UNC79: variants seen among roughly 807,000 people sequenced by gnomAD.
UNC79 encodes the protein protein unc-79 homolog.
A neutral mutation model predicts 283.1 loss-of-function variants in UNC79; 37 were observed. The ratio of observed to expected loss-of-function variants is 0.13; its 90% confidence interval spans 0.10 to 0.17. The LOEUF (loss-of-function observed/expected upper bound fraction) is 0.17. UNC79 is among the 10% of genes least tolerant of loss of function. The probability of loss-of-function intolerance (pLI) is 1.00; values close to 1 mark genes in which losing one functional copy is unlikely to be tolerated. For missense variants in UNC79, 2,272 were observed against 3,211.1 expected (o/e 0.71, Z 7.07); for synonymous variants, 1,107 against 1,200.2 (o/e 0.92, Z 1.61).
intron 1 of UNC79, among the ~76,000 whole-genome samples, chr14:93,434,100 C>T (rs1299700435): frequency 6.6e-6 from 1 of 151,968 alleles, no homozygotes; most frequent in Admixed American, 6.6e-5. Context: ...GTAATCCCAG[C>T]TACTCAGGAG....
chr14:93,624,926 C>T (rs2067437623), intron 30 of UNC79, among the ~76,000 whole-genome samples: 1 of 152,160 alleles, frequency 6.6e-6, no homozygotes, highest in Non-Finnish European at 1.5e-5. Flanking sequence ...CCAGGACTAA[C>T]CTCACTGTGC....
chr14:93,441,002 C>G (rs2056281319), intron 1 of UNC79, among the ~76,000 whole-genome samples: 1 of 151,974 alleles, frequency 6.6e-6, no homozygotes, highest in Non-Finnish European at 1.5e-5. Context: ...TTTTAGTCCA[C>G]TTGATCTTGG....
chr14:93,353,525 C>A (rs532143684), intron 1 of UNC79, among the ~76,000 whole-genome samples: 1 of 152,284 alleles, frequency 6.6e-6, no homozygotes, highest in South Asian at 2.1e-4. Context: ...TCTTTGTATT[C>A]TCATTCCTTG....
exon 18 of UNC79, chr14:93,577,942 C>A (rs751135621): frequency 5.6e-6 from 9 of 1,613,986 alleles, no homozygotes; most frequent in Non-Finnish European, 7.6e-6. Context: ...TTGCGTAGTC[C>A]GTTTCGTAGC....
intron 35 of UNC79, among the ~76,000 whole-genome samples, chr14:93,652,332 GT>G (rs1258154928): frequency 3.9e-5 from 6 of 152,048 alleles, no homozygotes; most frequent in African/African-American, 1.2e-4. Flanking sequence ...GCACCATCTT[GT>G]CAGTCTCAAC....
chr14:93,468,695 G>A lies in UNC79; in HGVS notation c.143+904G>A, dbSNP rs1253563784. Among the ~76,000 whole-genome samples the A allele has an allele frequency of 4.6e-5, 7 of 152,324 alleles. No homozygotes were observed. The East Asian group carries it at 1.3e-3, about 29-fold the overall frequency. On this transcript the variant is annotated intron_variant, in intron 2 of 48. Coordinates refer to ENST00000555664, the Ensembl canonical transcript of UNC79. ...GGAAAAGCTGAATGCTTTGCGGATGGAAGCTTCATGCGATCAAGTCAGCTA... is the reference window on the plus strand; with the variant it reads ...GGAAAAGCTGAATGCTTTGCGGATGAAAGCTTCATGCGATCAAGTCAGCTA...
chr14:93,404,493 A>AAAAATATATATATATATATATATATATAT lies in UNC79; in HGVS notation c.-350-63177_-350-63176insAAATATATATATATATATATATATATATA. Reference sequence around the variant, plus strand: ...TGACAGAGTGAGACCTTCTAAAAAAAATATATATATATATATATATAAATA... The same window carrying AAAAATATATATATATATATATATATATAT: ...TGACAGAGTGAGACCTTCTAAAAAAAAAAATATATATATATATATATATATATATATATATATATATATATATATAAATA... On this transcript the variant is annotated intron_variant, in intron 1 of 49. Transcript: ENST00000256339. Among the ~76,000 whole-genome samples the AAAAATATATATATATATATATATATATAT allele has an allele frequency of 1.6e-3, 98 of 61,384 alleles. 1 individual carries two copies. Among genetic ancestry groups the AAAAATATATATATATATATATATATATAT allele is most frequent in the Admixed American group, 5.7e-3 (24 of 4,212 alleles). 40.3% of individuals were successfully genotyped at this position (61,384 alleles called of 152,430 possible).
At chr14:93,639,232 G>T (rs1596187273) in intron 32 of UNC79, among the ~76,000 whole-genome samples, 1 of 152,132 alleles carries the variant, frequency 6.6e-6, no homozygotes, top group Admixed American at 6.6e-5. Flanking sequence ...GTAAGTCTAT[G>T]TATGTATCAT....
At chr14:93,442,246 C>T (rs964208491) in intron 1 of UNC79, among the ~76,000 whole-genome samples, 7 of 151,980 alleles carry the variant, frequency 4.6e-5, no homozygotes, top group Admixed American at 4.6e-4. Flanking sequence ...TTAGGAAATA[C>T]AGTTTCTGGA....
At chr14:93,401,554 G>A (rs1372798782) in intron 1 of UNC79, among the ~76,000 whole-genome samples, 1 of 152,188 alleles carries the variant, frequency 6.6e-6, no homozygotes. Context: ...TTGTAAGACA[G>A]GAACTAGAGC....
Position 93,622,085 on chromosome 14 carries a change from C to T in UNC79, c.4852C>T (p.Pro1618Ser). The T allele has an allele frequency of 6.2e-7, 1 of 1,614,088 alleles. No homozygotes were observed. Among genetic ancestry groups the T allele is most frequent in the Non-Finnish European group, 8.5e-7 (1 of 1,180,004 alleles). Residue 1618 changes from proline (P) to serine (S), a missense_variant, in exon 30 of 49, where the codon CCT becomes TCT. Pro to Ser is a moderately conservative substitution (Grantham distance 74, BLOSUM62 -1). Around this residue, in one of 11 missense-constraint regions of UNC79, gnomAD observed 580 missense variants for 632.2 expected, o/e 0.92. Transcript: ENST00000555664. ...TCTATCCTCAGATTCAACCTCGGGG[C>T]CTGAAAAACACTCTATACTCTCAAC...
chr14:93,650,609 T>A (rs1250909301), intron 35 of UNC79, among the ~76,000 whole-genome samples: 2 of 152,202 alleles, frequency 1.3e-5, no homozygotes, highest in African/African-American at 4.8e-5. Flanking sequence ...AAGTGTCTGG[T>A]CAAATCTTTT....
At chr14:93,633,203 A>G (rs2068180549) in intron 31 of UNC79, among the ~76,000 whole-genome samples, 1 of 152,222 alleles carries the variant, frequency 6.6e-6, no homozygotes, top group African/African-American at 2.4e-5. Context: ...AATTAGTGGC[A>G]AAAACCAGAG....
chr14:93,450,073 A>G (rs987863034), intron 1 of UNC79, among the ~76,000 whole-genome samples: 3 of 152,188 alleles, frequency 2.0e-5, no homozygotes, highest in African/African-American at 7.2e-5. Flanking sequence ...GCAAAGTCAG[A>G]AGTGAGTCCT....
At chr14:93,612,750 T>G in intron 26 of UNC79, 47 bp from the exon 28 acceptor site, 1 of 1,591,122 alleles carries the variant, frequency 6.3e-7, no homozygotes. Flanking sequence ...TAGTGTCACT[T>G]CACTTGTGAG....
chr14:93,510,994 C>T (rs1364898710), intron 7 of UNC79, among the ~76,000 whole-genome samples: 2 of 152,158 alleles, frequency 1.3e-5, no homozygotes, highest in Admixed American at 1.3e-4. Context: ...GCTCATGGTT[C>T]TGTGGGTTAT....
At position 93,671,557 on chromosome 14, in the gene UNC79, G is replaced by GAGATTGGGAGTACAAGACCAGCCTGA. The variant is rs2072863906; in HGVS notation, c.6637-1793_6637-1768dup. On this transcript the variant is annotated intron_variant, in intron 40 of 48. Transcript: ENST00000555664. The stretch of plus-strand genomic sequence containing the variant: ...GGAGGCCGAGGCAGGTGGATCACCT[G>GAGATTGGGAGTACAAGACCAGCCTGA]AGATTGGGAGTACAAGACCAGCCTG... Among the ~76,000 whole-genome samples the GAGATTGGGAGTACAAGACCAGCCTGA allele has an allele frequency of 2.0e-5, 3 of 152,174 alleles. No individual in the cohort carries two copies. In the South Asian group the frequency reaches 6.2e-4, roughly 32 times the overall value.
At chr14:93,598,365 CGT>C (rs71301930) in intron 24 of UNC79, among the ~76,000 whole-genome samples, 7,923 of 63,940 alleles carry the variant, frequency 0.12, 251 homozygotes, top group African/African-American at 0.15. Flanking sequence ...TATTGCATAA[CGT>C]GTGTGTGTGT....
downstream of UNC79, chr14:93,707,115 G>T: frequency 1.6e-5 from 7 of 446,016 alleles, no homozygotes; most frequent in East Asian, 3.3e-5. Flanking sequence ...CTGATTAAGT[G>T]TTTCCTTACA....
Sources: allele counts gnomAD v4.1 joint callset (sites outside exome capture counted in the v4.1 genomes callset), GRCh38; gene constraint gnomAD v4.1.1; regional missense constraint gnomAD v4.1.1; transcripts MANE v1.5; gene names NCBI Gene and HGNC (gene_info 2026-07-23, HGNC 2026-07-21).